The following SCUBE1 variants were observed in gnomAD, a reference collection of about 807,000 sequenced individuals.
SCUBE1 encodes the protein signal peptide, CUB and EGF-like domain-containing protein 1.
A neutral mutation model predicts 124.4 loss-of-function variants in SCUBE1; 59 were observed. The observed-to-expected ratio is 0.47, with a 90% CI of 0.38 to 0.59. The LOEUF (loss-of-function observed/expected upper bound fraction) is 0.59, where lower values mean the gene tolerates loss of function less well. Among genes scored for constraint, SCUBE1 ranks in the 20% least tolerant of loss-of-function variants. The pLI, the probability that SCUBE1 is intolerant of heterozygous loss-of-function variation, is 0.00. For synonymous variants in SCUBE1, 545 were observed against 550.9 expected, an observed-to-expected ratio of 0.99 and a Z score of 0.15; for missense variants, 1,150 against 1,371.2, an observed-to-expected ratio of 0.84 and a Z score of 2.55.
At chr22:43,315,689 T>G (rs528669700) in intron 3 of SCUBE1, among the ~76,000 whole-genome samples, 2 of 126,972 alleles carry the variant, frequency 1.6e-5, no homozygotes, top group African/African-American at 5.9e-5. Flanking sequence ...AGCCTTTTCT[T>G]GGCTGCTGTG....
intron 6 of SCUBE1, among the ~76,000 whole-genome samples, chr22:43,252,822 T>C (rs1923506079): frequency 6.6e-6 from 1 of 151,906 alleles, no homozygotes; most frequent in Non-Finnish European, 1.5e-5. Context: ...AACGGTCACC[T>C]CCCTTACTCT....
intron 13 of SCUBE1, 142 bp from the exon 14 acceptor site, chr22:43,220,729 G>A (rs1662518627): frequency 9.3e-7 from 1 of 1,074,798 alleles, no homozygotes; most frequent in African/African-American, 1.6e-5. Flanking sequence ...AGAAGGTCAG[G>A]GCTGGCTCGG....
chr22:43,242,163 C>T (rs2146689492), intron 6 of SCUBE1, among the ~76,000 whole-genome samples: 1 of 152,370 alleles, frequency 6.6e-6, no homozygotes, highest in South Asian at 2.1e-4. Context: ...AATGACAGGA[C>T]AGGCGGGCCT....
chr22:43,286,157 C>T (rs1033471472), intron 4 of SCUBE1, among the ~76,000 whole-genome samples: 1 of 152,228 alleles, frequency 6.6e-6, no homozygotes, highest in Non-Finnish European at 1.5e-5. Flanking sequence ...GAATAAGAGC[C>T]CGTGTTTATT....
chr22:43,253,720 C>T (rs950261850), intron 6 of SCUBE1, among the ~76,000 whole-genome samples: 1 of 124,992 alleles, frequency 8.0e-6, no homozygotes, highest in Non-Finnish European at 1.6e-5. Flanking sequence ...CCTCCTCCCC[C>T]CGCCTGCACC....
At chr22:43,240,092 C>A (rs1327263323) in intron 6 of SCUBE1, among the ~76,000 whole-genome samples, 2 of 152,062 alleles carry the variant, frequency 1.3e-5, no homozygotes, top group Admixed American at 6.5e-5. Context: ...GAGAGGGGAA[C>A]CTCATGTTCC....
chr22:43,222,756 G>T lies in SCUBE1; in HGVS notation c.1328-14C>A. ...TATTTTCCGAGTCTGCAGAGAAGCC[G>T]GTGGGTGAGGTGGGCCTGGTGCTCC... On this transcript the variant is annotated splice_polypyrimidine_tract_variant and intron_variant, in intron 11 of 21. Transcript: ENST00000360835. 1 of 1,568,564 alleles carries T rather than the reference G, an allele frequency of 6.4e-7. No homozygotes were observed. The highest frequency in any genetic ancestry group is 2.3e-5 in the East Asian group (1 of 43,272).
chr22:43,220,084 T>C lies in SCUBE1; in HGVS notation c.1687+366A>G, dbSNP rs148448675. On this transcript the variant is annotated intron_variant, in intron 14 of 21. Transcript: ENST00000360835. The stretch of plus-strand genomic sequence containing the variant: ...TGACACCCGAGCCAGCATTAGAACC[T>C]CCTTCAGGAACCAGGAAAGACAATC... Among the ~76,000 whole-genome samples the C allele has an allele frequency of 9.1e-3, 1,383 of 152,288 alleles. 26 individuals are homozygous for C. The highest frequency in any genetic ancestry group is 0.032 in the African/African-American group (1,311 of 41,554).
chr22:43,230,797 C>A (rs1922520381), intron 8 of SCUBE1, among the ~76,000 whole-genome samples: 1 of 152,196 alleles, frequency 6.6e-6, no homozygotes, highest in African/African-American at 2.4e-5. Context: ...CTCTCGCCAG[C>A]CTCCTGCTTT....
In SCUBE1 at chr22:43,334,501, G is replaced by A. The variant is rs527810120; in HGVS notation, c.220+4603C>T. On this transcript the variant is annotated intron_variant, in intron 2 of 21. Coordinates refer to ENST00000360835, the MANE Select transcript of SCUBE1 (RefSeq NM_173050.5). ...CACTGTGATCATTGACATCAACATA[G>A]TGACGATGATGATGATCAGATACAT... Among the ~76,000 whole-genome samples, 10 of 152,174 alleles carry A rather than the reference G, an allele frequency of 6.6e-5. No homozygotes were observed. In the South Asian group the frequency reaches 2.1e-3, roughly 32 times the overall value.
At chr22:43,206,541 C>T (rs1461275664) in intron 21 of SCUBE1, among the ~76,000 whole-genome samples, 4 of 152,096 alleles carry the variant, frequency 2.6e-5, no homozygotes, top group South Asian at 2.1e-4. Flanking sequence ...GCACGCGGGA[C>T]CTAAGGGGCT....
Position 43,223,090 on chromosome 22 carries a change from G to A in SCUBE1, c.1327+7C>T, listed in dbSNP as rs199529788. On this transcript the variant is annotated splice_region_variant and intron_variant, in intron 11 of 21. Transcript: ENST00000360835. ...CAGCATCCCATCTCAGGGACGGCCC[G>A]GGTTACCTGGCACGAAGAGTGTGTG... 77 of 1,530,432 alleles carry A rather than the reference G, an allele frequency of 5.0e-5. No homozygotes were observed. The East Asian group carries it at 8.2e-4, about 16-fold the overall frequency. The allele number at this position is 1,530,432 out of a possible 1,614,324, so 94.8% of individuals were successfully genotyped here. A position where few individuals can be genotyped will look rare whatever the true frequency, so the allele number is the denominator to read the frequency against.
At position 43,199,628 on chromosome 22, in the gene SCUBE1, G is replaced by C. The variant is rs535734088; in HGVS notation, c.*4369C>G. Reference sequence around the variant, plus strand: ...TGCAGCCTGGGCCACCATGGAGGTGGGGGAGGACTGGGCCACACTGTACCC... The same window carrying C: ...TGCAGCCTGGGCCACCATGGAGGTGCGGGAGGACTGGGCCACACTGTACCC... On this transcript the variant is annotated 3_prime_UTR_variant, in exon 22 of 22. Coordinates refer to ENST00000360835, the MANE Select transcript of SCUBE1 (RefSeq NM_173050.5). 6.6e-6 allele frequency: 1 copy of C among 151,484 alleles called. No individual in the cohort carries two copies. The highest frequency in any genetic ancestry group is 2.1e-4 in the South Asian group (1 of 4,654). The allele number at this position is 151,484 out of a possible 1,614,324, so 9.4% of individuals were successfully genotyped here.
chr22:43,252,785 C>T (rs1273768223), intron 6 of SCUBE1, among the ~76,000 whole-genome samples: 4 of 152,172 alleles, frequency 2.6e-5, no homozygotes, highest in Admixed American at 6.5e-5. Context: ...TGCCCTGGTG[C>T]ACCTGACCAG....
intron 10 of SCUBE1, among the ~76,000 whole-genome samples, chr22:43,225,472 A>G (rs2146672447): frequency 6.6e-6 from 1 of 151,910 alleles, no homozygotes; most frequent in South Asian, 2.1e-4. Flanking sequence ...CAAAAGCAAC[A>G]GATGGTAAAG....
chr22:43,224,538 A>T (rs1922228385), intron 10 of SCUBE1, among the ~76,000 whole-genome samples: 1 of 152,174 alleles, frequency 6.6e-6, no homozygotes, highest in Non-Finnish European at 1.5e-5. Context: ...TTCCAACTCA[A>T]TCCAAGCTGG....
chr22:43,224,865 C>T (rs1922240803), intron 10 of SCUBE1, among the ~76,000 whole-genome samples: 1 of 152,132 alleles, frequency 6.6e-6, no homozygotes, highest in Non-Finnish European at 1.5e-5. Flanking sequence ...ACTCCTGCAG[C>T]CTTATGAATT....
intron 2 of SCUBE1, among the ~76,000 whole-genome samples, chr22:43,336,970 T>C (rs1927103239): frequency 6.6e-6 from 1 of 151,920 alleles, no homozygotes; most frequent in Non-Finnish European, 1.5e-5. Flanking sequence ...TGTGTGTGTG[T>C]GTGTGTCTGT....
At chr22:43,309,906 T>C (rs1046549686) in intron 3 of SCUBE1, among the ~76,000 whole-genome samples, 2 of 152,190 alleles carry the variant, frequency 1.3e-5, no homozygotes, top group African/African-American at 4.8e-5. Flanking sequence ...ACTGTCACCC[T>C]GAACGAAGCC....
Sources: gnomAD v4.1 joint callset for allele counts (sites outside exome capture counted in the v4.1 genomes callset) on GRCh38, gnomAD v4.1.1 for gene constraint, MANE v1.5 for transcripts, NCBI Gene and HGNC (gene_info 2026-07-23, HGNC 2026-07-21) for gene names.